Variants in ALDH1A1 observed in about 807,000 individuals in gnomAD.
The protein encoded by ALDH1A1 is aldehyde dehydrogenase 1 family member A1, also known as aldehyde dehydrogenase 1A1.
Under a neutral mutation model 62.1 loss-of-function variants are expected in ALDH1A1, and 19 were observed. The ratio of observed to expected loss-of-function variants is 0.31; its 90% CI spans 0.21 to 0.45. ALDH1A1 has a LOEUF of 0.45. Ranked by LOEUF, ALDH1A1 falls within the 20% of genes least tolerant of loss-of-function variation. ALDH1A1 has a pLI of 1.00. For missense variants in ALDH1A1, 521 were observed against 607.1 expected, an observed-to-expected ratio of 0.86 and a Z score of 1.49; for synonymous variants, 231 against 215.9, an observed-to-expected ratio of 1.07 and a Z score of -0.61.
intron 2 of ALDH1A1, among the ~76,000 whole-genome samples, chr9:72,933,988 G>A (rs567515399): frequency 6.6e-6 from 1 of 152,196 alleles, no homozygotes; most frequent in South Asian, 2.1e-4. Flanking sequence ...TAAAGATGAG[G>A]TCTTGCTATG....
At chr9:72,902,758 C>G (rs8187990) in intron 12 of ALDH1A1, among the ~76,000 whole-genome samples, 161 of 152,000 alleles carry the variant, frequency 1.1e-3, no homozygotes, top group African/African-American at 3.7e-3. Flanking sequence ...TACGACATAG[C>G]CCCAAACATC....
chr9:72,913,731 G>A (rs1215910359), intron 9 of ALDH1A1, among the ~76,000 whole-genome samples: 2 of 152,224 alleles, frequency 1.3e-5, no homozygotes, highest in African/African-American at 4.8e-5. Context: ...ACAGGCCTTT[G>A]TATTTCAGTG....
intron 2 of ALDH1A1, among the ~76,000 whole-genome samples, chr9:72,936,675 GCTT>G (rs1830350747): frequency 6.6e-6 from 1 of 152,112 alleles, no homozygotes; most frequent in Admixed American, 6.6e-5. Context: ...TAGGGCACAG[GCTT>G]CTGGGGCTCC....
chr9:72,942,464 C>A (rs545511717), intron 1 of ALDH1A1: 1 of 798,706 alleles, frequency 1.3e-6, no homozygotes, highest in Non-Finnish European at 1.5e-6. Flanking sequence ...TTGTTCTATA[C>A]AAGTATAAAA....
chr9:72,919,272 C>T (rs1040359373), intron 7 of ALDH1A1, among the ~76,000 whole-genome samples: 4 of 152,112 alleles, frequency 2.6e-5, no homozygotes, highest in Non-Finnish European at 2.9e-5. Flanking sequence ...ATGACCCAGT[C>T]GCAACTTAGC....
chr9:72,908,582 AG>A (rs1279849675), intron 11 of ALDH1A1, among the ~76,000 whole-genome samples: 1 of 136,410 alleles, frequency 7.3e-6, no homozygotes, highest in East Asian at 2.0e-4. Context: ...AAAGAAAGAA[AG>A]AAAGAAAGAA....
intron 2 of ALDH1A1, among the ~76,000 whole-genome samples, chr9:72,936,629 A>G (rs919958429): frequency 6.6e-6 from 1 of 152,096 alleles, no homozygotes; most frequent in Non-Finnish European, 1.5e-5. Flanking sequence ...TGAAAGGTGA[A>G]GAATAAATTT....
At chr9:72,905,351 G>A (rs1429315407) in intron 12 of ALDH1A1, among the ~76,000 whole-genome samples, 1 of 151,908 alleles carries the variant, frequency 6.6e-6, no homozygotes, top group Non-Finnish European at 1.5e-5. Context: ...TTTCATAAAT[G>A]CATTTATATA....
rs1403305868 is a variant in ALDH1A1, at chr9:72,928,952, T to A, written c.382A>T (p.Lys128Ter). 1.2e-6 allele frequency: 2 copies of A among 1,614,052 alleles called. No individual in the cohort carries two copies. The highest frequency in any genetic ancestry group is 1.7e-6 in the Non-Finnish European group (2 of 1,179,942). ...CAACCTGCACAGTAGCGCAATGTTTTGATGCAGCCTGCTAAATCATTCAGA... is the reference window on the plus strand; with the variant it reads ...CAACCTGCACAGTAGCGCAATGTTTAGATGCAGCCTGCTAAATCATTCAGA... ...AYLNDLAGCI[K>*]TLRYCAGWAD... Residue 128 changes from lysine to a stop codon, truncating the protein, a stop_gained, in exon 4 of 13, where the codon AAA becomes TAA. Transcript: ENST00000297785. LOFTEE classifies it high-confidence loss of function.
At chr9:72,932,156 A>C (rs751135553) in intron 2 of ALDH1A1, among the ~76,000 whole-genome samples, 1 of 152,196 alleles carries the variant, frequency 6.6e-6, no homozygotes, top group Non-Finnish European at 1.5e-5. Context: ...TGGCCACTAC[A>C]TGGAATTGTA....
intron 7 of ALDH1A1, 164 bp downstream of exon 7, chr9:72,923,855 A>G: frequency 2.2e-6 from 1 of 458,614 alleles, no homozygotes; most frequent in East Asian, 3.7e-5. Flanking sequence ...TTCAAACTAC[A>G]TCTGCTTATA....
At chr9:72,914,519 C>T (rs1275385401) in intron 9 of ALDH1A1, among the ~76,000 whole-genome samples, 1 of 152,144 alleles carries the variant, frequency 6.6e-6, no homozygotes, top group Non-Finnish European at 1.5e-5. Context: ...ATAACTGTAA[C>T]TCCAAAGTCC....
intron 2 of ALDH1A1, among the ~76,000 whole-genome samples, chr9:72,932,903 T>C (rs1830301021): frequency 6.6e-6 from 1 of 152,228 alleles, no homozygotes; most frequent in Non-Finnish European, 1.5e-5. Flanking sequence ...TGTCCTGCTA[T>C]TGGTCTTAGC....
chr9:72,940,070 G>A, intron 2 of ALDH1A1, 78 bp downstream of exon 2: 2 of 1,034,056 alleles, frequency 1.9e-6, no homozygotes, highest in Non-Finnish European at 1.5e-6. Context: ...TTTGGAGCTT[G>A]CAATGGGGTT....
intron 2 of ALDH1A1, among the ~76,000 whole-genome samples, chr9:72,934,552 A>G (rs545212440): frequency 9.9e-5 from 15 of 152,172 alleles, no homozygotes; most frequent in Admixed American, 5.2e-4. Flanking sequence ...TATCTGACCC[A>G]ACTCCTTCTT....
intron 1 of ALDH1A1, among the ~76,000 whole-genome samples, chr9:72,942,615 A>G (rs1315966024): frequency 7.9e-5 from 12 of 152,228 alleles, no homozygotes; most frequent in African/African-American, 2.9e-4. Context: ...ACTGCTTAAC[A>G]TGGCACTGGA....
chr9:72,928,781 T>C, intron 4 of ALDH1A1, 111 bp downstream of exon 4: 1 of 1,200,324 alleles, frequency 8.3e-7, no homozygotes, highest in Middle Eastern at 2.1e-4. Context: ...AGGAAAATAA[T>C]TTTGCCTTAT....
chr9:72,919,134 A>G (rs1207632833), intron 7 of ALDH1A1, among the ~76,000 whole-genome samples: 1 of 152,142 alleles, frequency 6.6e-6, no homozygotes. Flanking sequence ...AAGGAATCAG[A>G]AAAATGCTGA....
intron 1 of ALDH1A1, among the ~76,000 whole-genome samples, chr9:72,947,532 G>C (rs1460170760): frequency 1.3e-5 from 2 of 151,896 alleles, no homozygotes; most frequent in Non-Finnish European, 2.9e-5. Flanking sequence ...GCAGTAATAG[G>C]TGTGAAAACA....
Sources: gnomAD v4.1 joint callset for allele counts (sites outside exome capture counted in the v4.1 genomes callset) on GRCh38, gnomAD v4.1.1 for gene constraint, MANE v1.5 for transcripts, NCBI Gene and HGNC (gene_info 2026-07-23, HGNC 2026-07-21) for gene names.